MACROD2: variants seen among roughly 807,000 people sequenced by gnomAD.
MACROD2 encodes ADP-ribose glycohydrolase MACROD2.
Under a neutral mutation model 70.4 loss-of-function variants are expected in MACROD2, and 36 were observed. That is an observed-to-expected ratio of 0.51 (90% CI 0.39 to 0.68). The LOEUF is 0.68. Among genes scored for constraint, MACROD2 ranks in the 30% least tolerant of loss-of-function variants. The probability of loss-of-function intolerance (pLI) is 0.00; values close to 1 mark genes in which losing one functional copy is unlikely to be tolerated. For synonymous variants in MACROD2, 172 were observed against 178.8 expected, an observed-to-expected ratio of 0.96 and a Z score of 0.30; for missense variants, 496 against 538.4, an observed-to-expected ratio of 0.92 and a Z score of 0.78.
intron 12 of MACROD2, among the ~76,000 whole-genome samples, chr20:15,965,714 A>T (rs1372379327): frequency 3.3e-5 from 5 of 151,776 alleles, no homozygotes; most frequent in Admixed American, 6.6e-5. Context: ...AATATTCAAA[A>T]TTTTTTTTTC....
At chr20:15,961,289 G>C (rs2066057515) in intron 12 of MACROD2, among the ~76,000 whole-genome samples, 1 of 152,140 alleles carries the variant, frequency 6.6e-6, no homozygotes, top group African/African-American at 2.4e-5. Context: ...ATGTTCGGGA[G>C]AAGTCATACA....
intron 8 of MACROD2, among the ~76,000 whole-genome samples, chr20:15,550,108 G>A (rs1445893140): frequency 6.6e-6 from 1 of 151,870 alleles, no homozygotes; most frequent in East Asian, 1.9e-4. Flanking sequence ...TATTAATACA[G>A]TATCTAATGC....
At chr20:14,942,646 T>C (rs1251430673) in intron 5 of MACROD2, among the ~76,000 whole-genome samples, 3 of 152,232 alleles carry the variant, frequency 2.0e-5, no homozygotes, top group Admixed American at 2.0e-4. Context: ...AATGTTAACG[T>C]TGAATGTCAC....
intron 8 of MACROD2, among the ~76,000 whole-genome samples, chr20:15,741,191 A>C (rs2051100072): frequency 6.7e-6 from 1 of 148,850 alleles, no homozygotes; most frequent in Non-Finnish European, 1.5e-5. Flanking sequence ...TCTCAGGTTC[A>C]AGTGATTTCC....
At chr20:14,560,180 A>G (rs1413090411) in intron 4 of MACROD2, among the ~76,000 whole-genome samples, 1 of 151,782 alleles carries the variant, frequency 6.6e-6, no homozygotes, top group Non-Finnish European at 1.5e-5. Flanking sequence ...TTTAAAAGTA[A>G]GATGATTAGG....
intron 3 of MACROD2, among the ~76,000 whole-genome samples, chr20:14,485,721 A>G (rs2123085671): frequency 1.0e-5 from 1 of 97,862 alleles, no homozygotes; most frequent in East Asian, 3.6e-4. Context: ...AAAAAAAAAA[A>G]AAGACCATGG....
At chr20:15,014,441 C>T (rs961620659) in intron 5 of MACROD2, among the ~76,000 whole-genome samples, 3 of 152,088 alleles carry the variant, frequency 2.0e-5, no homozygotes, top group East Asian at 3.9e-4. Context: ...ATTTTCCCCA[C>T]GTGAAATCTA....
intron 5 of MACROD2, among the ~76,000 whole-genome samples, chr20:14,804,351 T>C (rs2072613766): frequency 6.6e-6 from 1 of 152,102 alleles, no homozygotes; most frequent in South Asian, 2.1e-4. Flanking sequence ...CTACTGGGTA[T>C]TTTCTAGCAG....
chr20:14,227,541 C>G (rs1047936039), intron 3 of MACROD2, among the ~76,000 whole-genome samples: 1 of 152,132 alleles, frequency 6.6e-6, no homozygotes, highest in South Asian at 2.1e-4. Context: ...CCTGAGCCAG[C>G]GAGACCATGC....
At chr20:15,489,596 A>T (rs1367045236) in intron 7 of MACROD2, among the ~76,000 whole-genome samples, 1 of 152,226 alleles carries the variant, frequency 6.6e-6, no homozygotes. Context: ...AGAGGGTAGC[A>T]CATCTAATTC....
intron 8 of MACROD2, among the ~76,000 whole-genome samples, chr20:15,786,961 T>G (rs142624441): frequency 2.6e-5 from 4 of 152,258 alleles, no homozygotes; most frequent in African/African-American, 9.6e-5. Flanking sequence ...ATTTTTGTTT[T>G]GTTTTGTTTT....
chr20:15,341,831 G>A (rs1431136747), intron 6 of MACROD2, among the ~76,000 whole-genome samples: 1 of 152,278 alleles, frequency 6.6e-6, no homozygotes, highest in South Asian at 2.1e-4. Context: ...AGAGAGAATG[G>A]CTTGAGGCCA....
chr20:14,388,242 G>C (rs2122793150), intron 3 of MACROD2, among the ~76,000 whole-genome samples: 1 of 152,070 alleles, frequency 6.6e-6, no homozygotes, highest in East Asian at 1.9e-4. Flanking sequence ...TCGATCTCCT[G>C]ACTTCGTGAT....
intron 7 of MACROD2, among the ~76,000 whole-genome samples, chr20:15,458,403 T>A (rs2046759384): frequency 6.6e-6 from 1 of 152,082 alleles, no homozygotes; most frequent in Non-Finnish European, 1.5e-5. Flanking sequence ...TAACTTTGCT[T>A]TCATGAAGCT....
chr20:15,959,008 C>T (rs1415622108), intron 12 of MACROD2, among the ~76,000 whole-genome samples: 1 of 152,132 alleles, frequency 6.6e-6, no homozygotes, highest in Non-Finnish European at 1.5e-5. Flanking sequence ...TTTGTTGTGT[C>T]AGGCCAAGCT....
chr20:15,853,859 GC>G, intron 8 of MACROD2, among the ~76,000 whole-genome samples: 1 of 152,252 alleles, frequency 6.6e-6, no homozygotes, highest in Non-Finnish European at 1.5e-5. Context: ...GTGTTTTAAG[GC>G]ACTAACCCCC....
intron 5 of MACROD2, among the ~76,000 whole-genome samples, chr20:15,182,111 T>TA (rs1273764561): frequency 6.6e-6 from 1 of 152,186 alleles, no homozygotes; most frequent in Non-Finnish European, 1.5e-5. Context: ...GAACAGACCC[T>TA]AAAAGGCAAT....
At chr20:15,828,601 A>G (rs1337539944) in intron 8 of MACROD2, among the ~76,000 whole-genome samples, 1 of 152,208 alleles carries the variant, frequency 6.6e-6, no homozygotes, top group Non-Finnish European at 1.5e-5. Flanking sequence ...TGCAAAAGCT[A>G]AAATATTTTC....
chr20:14,474,791 T>C (rs1600278524), intron 3 of MACROD2, among the ~76,000 whole-genome samples: 1 of 152,276 alleles, frequency 6.6e-6, no homozygotes, highest in East Asian at 1.9e-4. Flanking sequence ...TTGCCACCTC[T>C]GTTCTTTTTG....
Sources: allele counts gnomAD v4.1 joint callset (sites outside exome capture counted in the v4.1 genomes callset), GRCh38; gene constraint gnomAD v4.1.1; transcripts MANE v1.5; gene names NCBI Gene and HGNC (gene_info 2026-07-23, HGNC 2026-07-21).